The following USP25 variants were observed in gnomAD, a reference collection of about 807,000 sequenced individuals.
The protein encoded by USP25 is ubiquitin carboxyl-terminal hydrolase 25.
A neutral mutation model predicts 158.5 loss-of-function variants in USP25; 85 were observed. That is an observed-to-expected ratio of 0.54 (90% CI 0.45 to 0.64). The LOEUF (loss-of-function observed/expected upper bound fraction) is 0.64. USP25 is among the 30% of genes least tolerant of loss of function. The probability of loss-of-function intolerance (pLI) is 0.00; values close to 1 mark genes in which losing one functional copy is unlikely to be tolerated. For synonymous variants in USP25, 464 were observed against 460.4 expected (o/e 1.01, Z -0.10); for missense variants, 1,242 against 1,327.3 (o/e 0.94, Z 1.00).
intron 4 of USP25, among the ~76,000 whole-genome samples, chr21:15,789,047 A>T (rs2035448464): frequency 6.6e-6 from 1 of 152,060 alleles, no homozygotes; most frequent in African/African-American, 2.4e-5. Flanking sequence ...ATGGTGTGAC[A>T]AATGGTTCAG....
intron 20 of USP25, among the ~76,000 whole-genome samples, chr21:15,851,361 A>T (rs2038879596): frequency 6.6e-6 from 1 of 152,092 alleles, no homozygotes; most frequent in Non-Finnish European, 1.5e-5. Flanking sequence ...ATTAATTCAT[A>T]TCTTTAAATA....
intron 3 of USP25, among the ~76,000 whole-genome samples, chr21:15,767,162 C>G (rs1250391360): frequency 6.6e-6 from 1 of 152,016 alleles, no homozygotes; most frequent in African/African-American, 2.4e-5. Context: ...ATCCACATTT[C>G]TAGCCTCATT....
chr21:15,877,743 A>G (rs938516131), intron 24 of USP25, 53 bp from the exon 25 acceptor site: 3 of 1,317,214 alleles, frequency 2.3e-6, no homozygotes, highest in Non-Finnish European at 3.1e-6. Flanking sequence ...CAGATCCTTA[A>G]TTTAAAAAGG....
rs367779613 is a variant in USP25 at position 15,750,181 on chromosome 21, CGTGTGT to C, written c.46-12685_46-12680del. The stretch of plus-strand genomic sequence containing the variant: ...TATACTTTAATGAAATCTCCAGTGC[CGTGTGT>C]GTGTGTGTGTGTGTGTGTGTGTGTA... On this transcript the variant is annotated intron_variant, in intron 1 of 25. Transcript: ENST00000400183. Among the ~76,000 whole-genome samples, 469 of 126,926 alleles carry C rather than the reference CGTGTGT, an allele frequency of 3.7e-3. 3 individuals carry two copies. The highest frequency in any genetic ancestry group is 0.014 in the African/African-American group (420 of 29,054). 83.3% of individuals were successfully genotyped at this position (126,926 alleles called of 152,430 possible).
chr21:15,783,582 C>T (rs534075588), intron 4 of USP25, among the ~76,000 whole-genome samples: 5 of 151,972 alleles, frequency 3.3e-5, no homozygotes, highest in African/African-American at 9.7e-5. Flanking sequence ...GACATATTCA[C>T]AGTGCTGGGA....
chr21:15,731,108 G>C (rs940277208), intron 1 of USP25, among the ~76,000 whole-genome samples: 4 of 145,150 alleles, frequency 2.8e-5, no homozygotes, highest in Non-Finnish European at 6.0e-5. Context: ...CTTTACTCTT[G>C]CATCAGTCAC....
At chr21:15,833,026 AAAC>A (rs971179841) in intron 16 of USP25, among the ~76,000 whole-genome samples, 1 of 152,068 alleles carries the variant, frequency 6.6e-6, no homozygotes, top group African/African-American at 2.4e-5. Context: ...TCAAAAAAAC[AAAC>A]AACAACAGCA....
In USP25 at chr21:15,800,300, A is replaced by G. The variant is rs2036067617; in HGVS notation, c.642+457A>G. Among the ~76,000 whole-genome samples, 3 of 151,348 alleles carry G rather than the reference A, an allele frequency of 2.0e-5. No homozygotes were observed. The South Asian group carries it at 6.2e-4, about 31-fold the overall frequency. ...GTGACTGTCATAGATGGGTAATATAAAGTGACAACACACACACCAGGGCCA... is the reference window on the plus strand; with the variant it reads ...GTGACTGTCATAGATGGGTAATATAGAGTGACAACACACACACCAGGGCCA... On this transcript the variant is annotated intron_variant, in intron 6 of 25. Transcript: ENST00000400183.
intron 20 of USP25, among the ~76,000 whole-genome samples, chr21:15,850,315 T>C (rs1208063396): frequency 1.3e-5 from 2 of 151,892 alleles, no homozygotes; most frequent in South Asian, 2.1e-4. Flanking sequence ...TATAAAATGA[T>C]TTATTTATTA....
chr21:15,818,822 G>T lies in USP25; in HGVS notation c.1056G>T (p.Glu352Asp), dbSNP rs754610739. The T allele has an allele frequency of 3.7e-6, 6 of 1,613,764 alleles. No individual in the cohort carries two copies. Among genetic ancestry groups the T allele is most frequent in the Non-Finnish European group, 5.1e-6 (6 of 1,179,770 alleles). Reference sequence around the variant, plus strand: ...GAGAAATTGAGTCTTTACATTCAGAGAATTCAGGAAAATCAGGCCAAGAGG... The same window carrying T: ...GAGAAATTGAGTCTTTACATTCAGATAATTCAGGAAAATCAGGCCAAGAGG... ...IEGEIESLHS[E>D]NSGKSGQEHW... The change falls in exon 10 of 26, where the codon GAG (glutamate) becomes GAT (aspartate). Residue 352 changes from glutamate (E) to aspartate (D), a missense_variant. This residue lies in a region of USP25 where 627 missense variants were observed against 701.4 expected (regional missense o/e 0.89). Coordinates refer to ENST00000400183, the MANE Select transcript of USP25 (RefSeq NM_001283041.3).
intron 5 of USP25, among the ~76,000 whole-genome samples, chr21:15,796,698 C>T (rs1408408314): frequency 6.6e-6 from 1 of 151,400 alleles, no homozygotes; most frequent in South Asian, 2.1e-4. Flanking sequence ...GACTGTGACT[C>T]TAGTCTCCCT....
At chr21:15,751,187 G>T (rs2032989541) in intron 1 of USP25, among the ~76,000 whole-genome samples, 1 of 152,158 alleles carries the variant, frequency 6.6e-6, no homozygotes, top group Non-Finnish European at 1.5e-5. Flanking sequence ...GAGAGGTTGT[G>T]AATGGAGCCC....
At chr21:15,760,811 C>T (rs1402815282) in intron 1 of USP25, among the ~76,000 whole-genome samples, 1 of 152,144 alleles carries the variant, frequency 6.6e-6, no homozygotes. Flanking sequence ...GCCCCTTTAG[C>T]ACTTAAATTC....
intron 1 of USP25, among the ~76,000 whole-genome samples, chr21:15,734,760 C>T (rs1469758271): frequency 6.6e-6 from 1 of 151,844 alleles, no homozygotes; most frequent in African/African-American, 2.4e-5. Flanking sequence ...TCTTACATTC[C>T]TAAGTTTTAT....
At chr21:15,830,869 C>T (rs1487131620) in intron 15 of USP25, among the ~76,000 whole-genome samples, 1 of 152,100 alleles carries the variant, frequency 6.6e-6, no homozygotes, top group Non-Finnish European at 1.5e-5. Flanking sequence ...TGTACCCTTA[C>T]TATTTTACAG....
intron 18 of USP25, among the ~76,000 whole-genome samples, chr21:15,847,304 T>G (rs1287170275): frequency 1.3e-5 from 2 of 152,216 alleles, no homozygotes; most frequent in Non-Finnish European, 2.9e-5. Flanking sequence ...TTTTTTATCT[T>G]AAGTACTTAA....
At chr21:15,762,387 A>G (rs754381305) in intron 1 of USP25, among the ~76,000 whole-genome samples, 11 of 152,256 alleles carry the variant, frequency 7.2e-5, no homozygotes, top group Middle Eastern at 3.4e-3. Flanking sequence ...AACTGAAGCA[A>G]ATGGGGGCAA....
intron 5 of USP25, 94 bp downstream of exon 5, chr21:15,791,758 G>A: frequency 1.5e-6 from 2 of 1,327,028 alleles, no homozygotes; most frequent in East Asian, 2.5e-5. Context: ...TTAAAGATAA[G>A]TACAGATAAG....
chr21:15,879,051 G>C lies in USP25; in HGVS notation c.*576G>C, dbSNP rs1568925067. The C allele has an allele frequency of 6.6e-6, 1 of 152,418 alleles. No homozygotes were observed. Among genetic ancestry groups the C allele is most frequent in the East Asian group, 1.9e-4 (1 of 5,190 alleles). The allele number at this position is 152,418 out of a possible 1,614,324, so 9.4% of individuals were successfully genotyped here. On this transcript the variant is annotated 3_prime_UTR_variant, in exon 26 of 26. Transcript: ENST00000400183. The stretch of plus-strand genomic sequence containing the variant: ...CTCTAATGCTAGCAAATTGGAAAAT[G>C]TTTAAGTCTTTGACACTTAAATTTA...
Sources: gnomAD v4.1 joint callset for allele counts (sites outside exome capture counted in the v4.1 genomes callset) on GRCh38, gnomAD v4.1.1 for gene constraint, gnomAD v4.1.1 regional missense constraint, MANE v1.5 for transcripts, NCBI Gene and HGNC (gene_info 2026-07-23, HGNC 2026-07-21) for gene names.